ST6GAL1: variants seen among roughly 807,000 people sequenced by gnomAD.
The protein encoded by ST6GAL1 is ST6 beta-galactoside alpha-2,6-sialyltransferase 1.
A neutral mutation model predicts 38.0 loss-of-function variants in ST6GAL1; 20 were observed. The ratio of observed to expected loss-of-function variants is 0.53; its 90% CI spans 0.37 to 0.77. The LOEUF is 0.77. Ranked by LOEUF, ST6GAL1 falls within the 30% of genes least tolerant of loss-of-function variation. ST6GAL1 has a pLI of 0.00. For synonymous variants in ST6GAL1, 196 were observed against 188.2 expected (o/e 1.04, Z -0.34); for missense variants, 432 against 496.4 (o/e 0.87, Z 1.23).
intron 2 of ST6GAL1, among the ~76,000 whole-genome samples, chr3:187,036,759 A>G (rs1717944030): frequency 6.6e-6 from 1 of 152,188 alleles, no homozygotes; most frequent in Non-Finnish European, 1.5e-5. Context: ...AAGACGGGGA[A>G]GGCTGGGGAA....
intron 2 of ST6GAL1, among the ~76,000 whole-genome samples, chr3:186,983,922 C>A (rs1715776423): frequency 1.3e-5 from 2 of 152,144 alleles, no homozygotes; most frequent in South Asian, 4.1e-4. Context: ...ATATGGATCT[C>A]CAGCTCACAC....
chr3:187,062,277 GC>G (rs1484311243), intron 5 of ST6GAL1, among the ~76,000 whole-genome samples: 3 of 152,084 alleles, frequency 2.0e-5, no homozygotes, highest in Non-Finnish European at 2.9e-5. Context: ...GTACGGCAGT[GC>G]CTCAAAAACT....
intron 2 of ST6GAL1, among the ~76,000 whole-genome samples, chr3:186,974,735 G>GGT: frequency 6.6e-6 from 1 of 151,034 alleles, no homozygotes; most frequent in Non-Finnish European, 1.5e-5. Context: ...TTGGGGGGGG[G>GGT]GCGCCCACAG....
At chr3:187,059,526 T>G (rs189427860) in intron 5 of ST6GAL1, among the ~76,000 whole-genome samples, 65 of 152,326 alleles carry the variant, frequency 4.3e-4, no homozygotes, top group Non-Finnish European at 2.9e-4. Flanking sequence ...TATTCAGTAT[T>G]GAGTAGACTG....
rs191205500 is a variant in ST6GAL1 at position 186,945,978 on chromosome 3, A to G, written c.-325+15144A>G. Reference sequence around the variant, plus strand: ...TGCACTCCAGCTTGGGTGACAGAGCAAGACTCCGTCAAAAAAAAAAAAAAA... The same window carrying G: ...TGCACTCCAGCTTGGGTGACAGAGCGAGACTCCGTCAAAAAAAAAAAAAAA... On this transcript the variant is annotated intron_variant, in intron 1 of 7. Coordinates refer to ENST00000169298, the MANE Select transcript of ST6GAL1 (RefSeq NM_173216.2). Among the ~76,000 whole-genome samples the G allele has an allele frequency of 4.2e-3, 501 of 119,988 alleles. 9 individuals carry two copies. Among genetic ancestry groups the G allele is most frequent in the Admixed American group, 0.036 (380 of 10,608 alleles). The allele number at this position is 119,988 out of a possible 152,430, so 78.7% of individuals were successfully genotyped here.
At position 186,952,788 on chromosome 3, in the gene ST6GAL1, A is replaced by G. The variant is rs1253149702; in HGVS notation, c.-324-10997A>G. On this transcript the variant is annotated intron_variant, in intron 1 of 7. Transcript: ENST00000169298. The surrounding 1 kb of genome is among the most constrained non-coding windows in gnomAD (Gnocchi z 4.1). The stretch of plus-strand genomic sequence containing the variant: ...CCTGAGTTCCATGCTCAGATATTCA[A>G]CCATCTACTTGACAAGTTTCCTTAG... 6.6e-6 allele frequency among the ~76,000 whole-genome samples: 1 copy of G among 152,072 alleles called. No individual in the cohort carries two copies. The highest frequency in any genetic ancestry group is 1.5e-5 in the Non-Finnish European group (1 of 68,020).
At chr3:187,065,784 A>T (rs1579377903) in intron 5 of ST6GAL1, among the ~76,000 whole-genome samples, 1 of 152,342 alleles carries the variant, frequency 6.6e-6, no homozygotes, top group South Asian at 2.1e-4. Context: ...ATCTTGAAAT[A>T]ATAGTTGATG....
chr3:187,066,818 C>T (rs1471754798), intron 5 of ST6GAL1, among the ~76,000 whole-genome samples: 1 of 152,086 alleles, frequency 6.6e-6, no homozygotes, highest in Non-Finnish European at 1.5e-5. Context: ...CTCCCCTGCC[C>T]CCTAAGAGGA....
Position 186,965,029 on chromosome 3 carries a change from T to C in ST6GAL1, c.-183+1103T>C, listed in dbSNP as rs373481308. Among the ~76,000 whole-genome samples, 13 of 152,298 alleles carry C rather than the reference T, an allele frequency of 8.5e-5. No homozygotes were observed. The South Asian group carries it at 2.5e-3, about 29-fold the overall frequency. On this transcript the variant is annotated intron_variant, in intron 2 of 7. Coordinates refer to ENST00000169298, the MANE Select transcript of ST6GAL1 (RefSeq NM_173216.2). ...TGCGTACAGTGAGCCTCCCTGCCCC[T>C]GTAGAGAGGGGCTTAGTTGACTGGG...
chr3:187,051,480 C>A, intron 5 of ST6GAL1, 134 bp downstream of exon 5: 1 of 729,456 alleles, frequency 1.4e-6, no homozygotes, highest in Non-Finnish European at 2.3e-6. Context: ...TGATTCCTCA[C>A]TGGAGAAGAA....
At chr3:186,974,444 C>A (rs1715454022) in intron 2 of ST6GAL1, among the ~76,000 whole-genome samples, 1 of 152,088 alleles carries the variant, frequency 6.6e-6, no homozygotes, top group Non-Finnish European at 1.5e-5. Context: ...TTTTGATCAT[C>A]ATACAGATAT....
intron 1 of ST6GAL1, among the ~76,000 whole-genome samples, chr3:186,943,243 T>C (rs1030347489): frequency 6.6e-6 from 1 of 152,152 alleles, no homozygotes; most frequent in East Asian, 1.9e-4. Context: ...ATGAGCATTT[T>C]TGAGGCAGGG....
chr3:187,012,379 T>A (rs1450644573), intron 2 of ST6GAL1, among the ~76,000 whole-genome samples: 1 of 151,982 alleles, frequency 6.6e-6, no homozygotes, highest in Non-Finnish European at 1.5e-5. Context: ...TGCCTCAGCC[T>A]CCTGAGTAGC....
At chr3:187,027,846 G>A (rs949997057) in intron 2 of ST6GAL1, among the ~76,000 whole-genome samples, 2 of 152,108 alleles carry the variant, frequency 1.3e-5, no homozygotes, top group African/African-American at 4.8e-5. Flanking sequence ...AAGAGAAGGA[G>A]CCAGCAACGA....
chr3:186,991,640 C>T (rs905685959), intron 2 of ST6GAL1, among the ~76,000 whole-genome samples: 1 of 152,182 alleles, frequency 6.6e-6, no homozygotes, highest in African/African-American at 2.4e-5. Flanking sequence ...CGAGTCTCAC[C>T]TGGAGGTGTG....
intron 2 of ST6GAL1, among the ~76,000 whole-genome samples, chr3:186,999,118 G>A (rs73069492): frequency 0.033 from 5,020 of 152,300 alleles, 302 homozygotes; most frequent in African/African-American, 0.11. Context: ...TGTGGAGGCA[G>A]CTGGCCCTGG....
chr3:186,956,725 A>C (rs1018895211), intron 1 of ST6GAL1, among the ~76,000 whole-genome samples: 1 of 152,232 alleles, frequency 6.6e-6, no homozygotes, highest in African/African-American at 2.4e-5. Context: ...CAGCTGACTC[A>C]CAATCACCCT....
intron 3 of ST6GAL1, among the ~76,000 whole-genome samples, chr3:187,039,319 T>TA (rs1718046999): frequency 6.6e-6 from 1 of 152,220 alleles, no homozygotes; most frequent in Non-Finnish European, 1.5e-5. Context: ...GATTCTCTGA[T>TA]ACAATTGCAT....
At chr3:186,957,633 A>G (rs1433586970) in intron 1 of ST6GAL1, among the ~76,000 whole-genome samples, 1 of 152,124 alleles carries the variant, frequency 6.6e-6, no homozygotes, top group East Asian at 1.9e-4. Context: ...TGGGGCTGTG[A>G]CTTGAAAAAA....
Sources: allele counts gnomAD v4.1 joint callset (sites outside exome capture counted in the v4.1 genomes callset), GRCh38; gene constraint gnomAD v4.1.1; non-coding constraint Gnocchi (gnomAD v3.1); transcripts MANE v1.5; gene names NCBI Gene and HGNC (gene_info 2026-07-23, HGNC 2026-07-21).